PRCP: variants seen among roughly 807,000 people sequenced by gnomAD.
The protein encoded by PRCP is lysosomal Pro-X carboxypeptidase.
Under a neutral mutation model 54.2 loss-of-function variants are expected in PRCP, and 46 were observed. That is an observed-to-expected ratio of 0.85 (90% CI 0.67 to 1.09). PRCP has a LOEUF of 1.09. PRCP is among the 50% of genes least tolerant of loss of function. The probability of loss-of-function intolerance (pLI) is 0.00; values close to 1 mark genes in which losing one functional copy is unlikely to be tolerated. For missense variants in PRCP, 613 were observed against 596.8 expected (o/e 1.03, Z -0.28); for synonymous variants, 240 against 212.2 (o/e 1.13, Z -1.14).
At chr11:82,853,452 G>A (rs1242503499) in intron 2 of PRCP, among the ~76,000 whole-genome samples, 174 bp from the exon 3 acceptor site, 3 of 152,192 alleles carry the variant, frequency 2.0e-5, no homozygotes, top group African/African-American at 7.2e-5. Context: ...TCTTATTGTT[G>A]CATATCAATC....
chr11:82,827,609 C>CGG (rs1858269364), intron 8 of PRCP: 2 of 152,160 alleles, frequency 1.3e-5, no homozygotes, highest in Admixed American at 1.3e-4. Context: ...GATTCTCTTC[C>CGG]ACTTGTCTAT....
chr11:82,860,272 G>C (rs10898041), intron 1 of PRCP, among the ~76,000 whole-genome samples, 155 bp from the exon 2 acceptor site: 1 of 151,314 alleles, frequency 6.6e-6, no homozygotes, highest in Non-Finnish European at 1.5e-5. Flanking sequence ...TAGTAATATC[G>C]ATATTATTAT....
chr11:82,850,085 A>C lies in PRCP; in HGVS notation c.594-14T>G. 1 of 1,343,268 alleles carries C rather than the reference A, an allele frequency of 7.4e-7. No homozygotes were observed. The highest frequency in any genetic ancestry group is 9.6e-7 in the Non-Finnish European group (1 of 1,040,804). 83.2% of individuals were successfully genotyped at this position (1,343,268 alleles called of 1,614,324 possible). A position where few individuals can be genotyped will look rare whatever the true frequency, so the allele number is the denominator to read the frequency against. On this transcript the variant is annotated splice_polypyrimidine_tract_variant and intron_variant, in intron 4 of 8. Transcript: ENST00000313010. ...GCTGCAAGAGCTCTAAATGGCAAGA[A>C]AATCAAAGAAAGAAAAAAGAAAAGA...
At chr11:82,873,784 T>C (rs1859533499) in intron 1 of PRCP, among the ~76,000 whole-genome samples, 2 of 152,252 alleles carry the variant, frequency 1.3e-5, no homozygotes, top group South Asian at 4.1e-4. Context: ...TTTCAGAGAC[T>C]GCTTTAAAAT....
intron 1 of PRCP, among the ~76,000 whole-genome samples, chr11:82,891,876 T>C (rs1021491505): frequency 3.3e-5 from 5 of 152,260 alleles, no homozygotes; most frequent in Non-Finnish European, 5.9e-5. Flanking sequence ...TATCACATTG[T>C]CAGAATACTT....
At chr11:82,842,854 T>A (rs1356209626) in intron 6 of PRCP, among the ~76,000 whole-genome samples, 1 of 152,180 alleles carries the variant, frequency 6.6e-6, no homozygotes, top group Non-Finnish European at 1.5e-5. Context: ...ACTCAAAGAT[T>A]TTGTGAGTCC....
At chr11:82,887,095 A>C (rs184415166) in intron 1 of PRCP, among the ~76,000 whole-genome samples, 1 of 152,198 alleles carries the variant, frequency 6.6e-6, no homozygotes, top group Non-Finnish European at 1.5e-5. Flanking sequence ...GATCTTGTAC[A>C]TGATATACCT....
rs1329910990 is a variant in PRCP, at chr11:82,826,454, T to C, written c.1275-1332A>G. ...ATTCACATACAAGTTTTTGTGTGGA[T>C]GCATGATTTCACTTCTCTTAGGCAT... On this transcript the variant is annotated intron_variant, in intron 8 of 8. Transcript: ENST00000313010. The C allele has an allele frequency of 2.0e-5, 3 of 152,220 alleles. No homozygotes were observed. In the East Asian group the frequency reaches 5.8e-4, roughly 29 times the overall value. The allele number at this position is 152,220 out of a possible 1,614,324, so 9.4% of individuals were successfully genotyped here.
intron 1 of PRCP, among the ~76,000 whole-genome samples, chr11:82,876,263 T>C (rs767069107): frequency 6.6e-6 from 1 of 152,172 alleles, no homozygotes; most frequent in Non-Finnish European, 1.5e-5. Context: ...TTACTTCATC[T>C]ATAAAAGGGA....
At chr11:82,859,135 T>C (rs1375478741) in intron 2 of PRCP, among the ~76,000 whole-genome samples, 1 of 152,256 alleles carries the variant, frequency 6.6e-6, no homozygotes, top group African/African-American at 2.4e-5. Flanking sequence ...TGACATTTCC[T>C]AGTCACAGCA....
At chr11:82,839,528 T>C in intron 6 of PRCP, 103 bp from the exon 7 acceptor site, 1 of 1,283,368 alleles carries the variant, frequency 7.8e-7, no homozygotes, top group Non-Finnish European at 1.1e-6. Flanking sequence ...GATCATAAAA[T>C]ATTCTTAAGC....
intron 1 of PRCP, among the ~76,000 whole-genome samples, chr11:82,895,937 T>A (rs906487557): frequency 3.3e-5 from 5 of 152,210 alleles, no homozygotes; most frequent in Non-Finnish European, 7.3e-5. Flanking sequence ...AGGAAGGAGC[T>A]GCAGAAGTCA....
upstream of PRCP, chr11:82,900,544 T>G (rs1860257019): frequency 1.7e-6 from 2 of 1,190,672 alleles, no homozygotes; most frequent in Non-Finnish European, 2.4e-6. Context: ...AGCCAGCTCC[T>G]CAGAGACGCC....
At chr11:82,873,212 A>C (rs566072901) in intron 1 of PRCP, among the ~76,000 whole-genome samples, 2 of 152,316 alleles carry the variant, frequency 1.3e-5, no homozygotes, top group African/African-American at 4.8e-5. Context: ...CATATATGAC[A>C]ATGTTTAATC....
rs531668803 is a variant in PRCP, at chr11:82,840,681, TAAC to T, written c.922-1259_922-1257del. 1.5e-3 allele frequency: 226 copies of T among 152,206 alleles called. 1 individual carries two copies. The highest frequency in any genetic ancestry group is 5.1e-3 in the African/African-American group (213 of 41,502). 9.4% of individuals were successfully genotyped at this position (152,206 alleles called of 1,614,324 possible). A position where few individuals can be genotyped will look rare whatever the true frequency, so the allele number is the denominator to read the frequency against. The stretch of plus-strand genomic sequence containing the variant: ...CAATGGAATCATAGCTGAATAATAC[TAAC>T]AACAACAACAGCTAGTAATTATTAA... On this transcript the variant is annotated intron_variant, in intron 6 of 8. Coordinates refer to ENST00000313010, the MANE Select transcript of PRCP (RefSeq NM_005040.4).
At chr11:82,880,880 A>G (rs1395510050) in intron 1 of PRCP, among the ~76,000 whole-genome samples, 2 of 151,378 alleles carry the variant, frequency 1.3e-5, no homozygotes, top group Non-Finnish European at 2.9e-5. Context: ...CTTAATTTTC[A>G]AGGGAAAACC....
chr11:82,849,998 T>C lies in PRCP; in HGVS notation c.667A>G (p.Thr223Ala). 6.4e-7 allele frequency: 1 copy of C among 1,561,706 alleles called. No homozygotes were observed. The highest frequency in any genetic ancestry group is 8.7e-7 in the Non-Finnish European group (1 of 1,152,766). ...VPCGVFMKIVTTDFRKSGPHC... is the reference protein window; with the variant it reads ...VPCGVFMKIVATDFRKSGPHC... ...GGACCGCTTTTCCTAAAATCTGTAG[T>C]TACGATCTTCATAAATACACCACAA... The change falls in exon 5 of 9, where the codon ACT (threonine) becomes GCT (alanine). Residue 223 changes from threonine to alanine, a missense_variant. Coordinates refer to ENST00000313010, the MANE Select transcript of PRCP (RefSeq NM_005040.4).
intron 5 of PRCP, 138 bp from the exon 6 acceptor site, chr11:82,849,356 G>A: frequency 1.0e-6 from 1 of 953,314 alleles, no homozygotes; most frequent in Non-Finnish European, 1.5e-6. Context: ...CAGAGCAACT[G>A]GAGAATCCCA....
chr11:82,899,202 C>A (rs539843587), intron 1 of PRCP, among the ~76,000 whole-genome samples: 2 of 152,282 alleles, frequency 1.3e-5, no homozygotes, highest in African/African-American at 4.8e-5. Flanking sequence ...GCACAATTAA[C>A]AACAACAAAA....
Sources: allele counts gnomAD v4.1 joint callset (sites outside exome capture counted in the v4.1 genomes callset), GRCh38; gene constraint gnomAD v4.1.1; transcripts MANE v1.5; gene names NCBI Gene and HGNC (gene_info 2026-07-23, HGNC 2026-07-21).